RALGPS1: variants seen among roughly 807,000 people sequenced by gnomAD.
RALGPS1 encodes ras-specific guanine nucleotide-releasing factor RalGPS1.
A neutral mutation model predicts 78.8 loss-of-function variants in RALGPS1; 19 were observed. That is an observed-to-expected ratio of 0.24 (90% CI 0.17 to 0.35). RALGPS1 has a LOEUF of 0.35. Ranked by LOEUF, RALGPS1 falls within the 10% of genes least tolerant of loss-of-function variation. RALGPS1 has a pLI of 1.00. For missense variants in RALGPS1, 454 were observed against 688.3 expected, an observed-to-expected ratio of 0.66 and a Z score of 3.81; for synonymous variants, 228 against 256.3, an observed-to-expected ratio of 0.89 and a Z score of 1.06.
At chr9:127,208,662 G>A (rs1156942947) in intron 14 of RALGPS1, among the ~76,000 whole-genome samples, 3 of 152,156 alleles carry the variant, frequency 2.0e-5, no homozygotes, top group Non-Finnish European at 2.9e-5. Flanking sequence ...GATCTGTCAA[G>A]AGCCCACCCA....
chr9:127,019,503 A>G (rs145273771), intron 4 of RALGPS1, among the ~76,000 whole-genome samples: 2,064 of 151,748 alleles, frequency 0.014, 57 homozygotes, highest in African/African-American at 0.047. Context: ...AATTTTTTGT[A>G]TTTTTAGTAG....
intron 8 of RALGPS1, among the ~76,000 whole-genome samples, chr9:127,097,479 A>G (rs1222938371): frequency 6.6e-6 from 1 of 152,244 alleles, no homozygotes; most frequent in African/African-American, 2.4e-5. Flanking sequence ...CCCTTAGTAG[A>G]CCTCTGTGAA....
At chr9:126,954,162 G>T (rs1041933123) in intron 1 of RALGPS1, among the ~76,000 whole-genome samples, 1 of 152,196 alleles carries the variant, frequency 6.6e-6, no homozygotes, top group Non-Finnish European at 1.5e-5. Flanking sequence ...ACCACCTAGT[G>T]GGTGGGTGTT....
chr9:126,936,081 T>C (rs2036232467), intron 1 of RALGPS1, among the ~76,000 whole-genome samples: 1 of 152,240 alleles, frequency 6.6e-6, no homozygotes, highest in South Asian at 2.1e-4. Flanking sequence ...GACCGCAGTC[T>C]GCTAACCCAT....
At chr9:127,181,776 A>G (rs939416363) in intron 11 of RALGPS1, among the ~76,000 whole-genome samples, 1 of 151,846 alleles carries the variant, frequency 6.6e-6, no homozygotes, top group South Asian at 2.1e-4. Context: ...ACTGGGGGAG[A>G]GGATACAGTC....
At chr9:126,988,935 G>A (rs1031485313) in intron 4 of RALGPS1, among the ~76,000 whole-genome samples, 10 of 152,148 alleles carry the variant, frequency 6.6e-5, no homozygotes, top group Admixed American at 5.9e-4. Context: ...TGCCTTTAGG[G>A]AGGGAGGCCA....
At chr9:127,166,487 C>T (rs992297861) in intron 9 of RALGPS1, among the ~76,000 whole-genome samples, 1 of 152,196 alleles carries the variant, frequency 6.6e-6, no homozygotes, top group African/African-American at 2.4e-5. Context: ...GAGCTCAGGT[C>T]TTTCTGGCCC....
chr9:127,116,229 G>A (rs2055401563), intron 8 of RALGPS1, among the ~76,000 whole-genome samples: 1 of 152,018 alleles, frequency 6.6e-6, no homozygotes. Flanking sequence ...TGATGCTTTG[G>A]GCTCTTGTGC....
chr9:126,951,759 C>T (rs2037842337), intron 1 of RALGPS1, among the ~76,000 whole-genome samples: 1 of 152,172 alleles, frequency 6.6e-6, no homozygotes, highest in Non-Finnish European at 1.5e-5. Context: ...AAAACTGGCA[C>T]AAGACAGTGA....
chr9:127,159,282 A>T (rs952542716), intron 8 of RALGPS1, among the ~76,000 whole-genome samples: 1 of 152,164 alleles, frequency 6.6e-6, no homozygotes, highest in East Asian at 1.9e-4. Context: ...TTACCAGGCA[A>T]TCCCCAGGGC....
In RALGPS1 at chr9:127,174,929, G is replaced by A. The variant is rs146953023; in HGVS notation, c.910+147G>A. The stretch of plus-strand genomic sequence containing the variant: ...CCCTGTTCACAGCCCTCCTGCACCA[G>A]CCTGCCCAGGCTCCTGATCATGCGG... On this transcript the variant is annotated intron_variant, in intron 11 of 18. Coordinates refer to ENST00000259351, the MANE Select transcript of RALGPS1 (RefSeq NM_014636.3). 3,114 of 675,342 alleles carry A rather than the reference G, an allele frequency of 4.6e-3. 25 individuals are homozygous for A. Among genetic ancestry groups the A allele is most frequent in the Middle Eastern group, 0.044 (112 of 2,522 alleles). 41.8% of individuals were successfully genotyped at this position (675,342 alleles called of 1,614,324 possible). A position where few individuals can be genotyped will look rare whatever the true frequency, so the allele number is the denominator to read the frequency against.
At chr9:127,095,440 G>T (rs866405883) in intron 8 of RALGPS1, among the ~76,000 whole-genome samples, 40 of 152,306 alleles carry the variant, frequency 2.6e-4, no homozygotes, top group African/African-American at 9.4e-4. Context: ...CAATGAGACT[G>T]GTTAAGGACA....
chr9:126,986,057 T>G (rs139194215), intron 4 of RALGPS1, among the ~76,000 whole-genome samples: 3,565 of 152,342 alleles, frequency 0.023, 63 homozygotes, highest in Middle Eastern at 0.061. Flanking sequence ...GAGCTCAGCC[T>G]TTTGAAGATT....
At chr9:127,033,871 G>A (rs1253537639) in intron 4 of RALGPS1, among the ~76,000 whole-genome samples, 2 of 152,206 alleles carry the variant, frequency 1.3e-5, no homozygotes, top group African/African-American at 4.8e-5. Context: ...AGATATTAAA[G>A]GGGACCTTTC....
At position 127,178,059 on chromosome 9, in the gene RALGPS1, G is replaced by A. The variant is rs2059984487; in HGVS notation, c.910+3277G>A. On this transcript the variant is annotated intron_variant, in intron 11 of 18. Transcript: ENST00000259351. ...GCCGGCCCAGGGTCCTGGGGAGGGT[G>A]GAGCCCTAGGCTAAAGGGCATGGGG... The A allele has an allele frequency of 8.3e-6, 12 of 1,439,666 alleles. 1 individual carries two copies. The South Asian group carries it at 1.5e-4, about 18-fold the overall frequency. The allele number at this position is 1,439,666 out of a possible 1,614,324, so 89.2% of individuals were successfully genotyped here. A position where few individuals can be genotyped will look rare whatever the true frequency, so the allele number is the denominator to read the frequency against.
intron 4 of RALGPS1, chr9:127,016,793 T>A (rs1180489332): frequency 6.6e-6 from 1 of 152,322 alleles, no homozygotes; most frequent in Non-Finnish European, 1.5e-5. Flanking sequence ...GTTCTTAGCT[T>A]CCTGCCTTGG....
chr9:127,098,296 G>A (rs892872854), intron 8 of RALGPS1, among the ~76,000 whole-genome samples: 1 of 152,212 alleles, frequency 6.6e-6, no homozygotes, highest in Non-Finnish European at 1.5e-5. Flanking sequence ...AGTACCTAGC[G>A]GTGTTTAACT....
intron 3 of RALGPS1, among the ~76,000 whole-genome samples, chr9:126,968,002 CTTT>C (rs745689127): frequency 1.0e-4 from 13 of 130,614 alleles, no homozygotes; most frequent in Non-Finnish European, 6.6e-5. Flanking sequence ...GAGTTCAATT[CTTT>C]TTTTTTTTTT....
intron 7 of RALGPS1, among the ~76,000 whole-genome samples, chr9:127,061,540 G>A (rs972538466): frequency 2.6e-5 from 4 of 152,116 alleles, no homozygotes; most frequent in Non-Finnish European, 5.9e-5. Flanking sequence ...CTAGTCTTAC[G>A]CAAAGCAACA....
Sources: allele counts gnomAD v4.1 joint callset (sites outside exome capture counted in the v4.1 genomes callset), GRCh38; gene constraint gnomAD v4.1.1; transcripts MANE v1.5; gene names NCBI Gene and HGNC (gene_info 2026-07-23, HGNC 2026-07-21).